CCDC178: variants seen among roughly 807,000 people sequenced by gnomAD.
CCDC178 encodes the protein coiled-coil domain containing 178.
Under a neutral mutation model 117.4 loss-of-function variants are expected in CCDC178, and 126 were observed. The ratio of observed to expected loss-of-function variants is 1.07; its 90% CI spans 0.93 to 1.24. CCDC178 has a LOEUF of 1.24. Ranked by LOEUF, CCDC178 falls within the 50% of genes most tolerant of loss-of-function variation. The pLI is 0.00. For synonymous variants in CCDC178, 283 were observed against 313.4 expected (o/e 0.90, Z 1.02); for missense variants, 1,030 against 986.9 (o/e 1.04, Z -0.59).
At chr18:33,329,274 CT>C (rs2062631485) in intron 10 of CCDC178, among the ~76,000 whole-genome samples, 1 of 152,026 alleles carries the variant, frequency 6.6e-6, no homozygotes, top group Non-Finnish European at 1.5e-5. Context: ...ATTTGTGTGC[CT>C]TTTATTTCTT....
intron 20 of CCDC178, among the ~76,000 whole-genome samples, chr18:33,187,214 C>A (rs1345607032): frequency 6.6e-5 from 10 of 152,012 alleles, no homozygotes; most frequent in Admixed American, 5.9e-4. Flanking sequence ...ACCCCATGAT[C>A]CATCATCTCC....
chr18:33,047,219 A>G lies in CCDC178; in HGVS notation c.2388+45542T>C, dbSNP rs1247285616. Among the ~76,000 whole-genome samples, 7 of 152,284 alleles carry G rather than the reference A, an allele frequency of 4.6e-5. No homozygotes were observed. In the South Asian group the frequency reaches 1.0e-3, roughly 23 times the overall value. ...AAATAATCAGAACAGAACCAAAAGA[A>G]AAAAAATACAAATGGCACAATAAAG... is the stretch of plus-strand genomic sequence containing the variant. On this transcript the variant is annotated intron_variant, in intron 21 of 22. Coordinates refer to ENST00000383096, the MANE Select transcript of CCDC178 (RefSeq NM_001105528.4).
At chr18:33,440,454 C>G (rs1412129270) in intron 1 of CCDC178, 199 bp downstream of exon 1, 1 of 152,090 alleles carries the variant, frequency 6.6e-6, no homozygotes, top group Non-Finnish European at 1.5e-5. Context: ...TTCAAACGCG[C>G]GGGGCAAGGA....
At position 33,221,341 on chromosome 18, in the gene CCDC178, TCTTGCCTTTGC is replaced by T. The variant is rs544513817; in HGVS notation, c.1932+1754_1932+1764del. On this transcript the variant is annotated intron_variant, in intron 18 of 22. Coordinates refer to ENST00000383096, the MANE Select transcript of CCDC178 (RefSeq NM_001105528.4). ...GTCCCACCTCTATTGAAGAAGTGAG[TCTTGCCTTTGC>T]CCAACTGCTATATTAAAATATTCTT... is the stretch of plus-strand genomic sequence containing the variant. Among the ~76,000 whole-genome samples, 616 of 152,142 alleles carry T rather than the reference TCTTGCCTTTGC, an allele frequency of 4.0e-3. 2 individuals are homozygous for T. Among genetic ancestry groups the T allele is most frequent in the African/African-American group, 0.014 (596 of 41,532 alleles).
At chr18:33,162,441 C>T (rs1397407659) in intron 20 of CCDC178, among the ~76,000 whole-genome samples, 1 of 151,996 alleles carries the variant, frequency 6.6e-6, no homozygotes, top group African/African-American at 2.4e-5. Flanking sequence ...CTTTTTTAAA[C>T]TATTATTTTA....
chr18:33,347,132 T>C (rs1435316333), intron 8 of CCDC178, among the ~76,000 whole-genome samples: 1 of 152,142 alleles, frequency 6.6e-6, no homozygotes, highest in Non-Finnish European at 1.5e-5. Flanking sequence ...AAGACAGATA[T>C]GAGTCCTATC....
chr18:32,968,553 A>G (rs569055203), intron 22 of CCDC178, among the ~76,000 whole-genome samples: 1 of 152,074 alleles, frequency 6.6e-6, no homozygotes, highest in Admixed American at 6.6e-5. Context: ...TGGTAGTTAT[A>G]GTTTTATTTT....
chr18:33,264,508 T>A (rs2059790820), intron 14 of CCDC178, among the ~76,000 whole-genome samples: 1 of 152,102 alleles, frequency 6.6e-6, no homozygotes, highest in South Asian at 2.1e-4. Flanking sequence ...ATCCATTTAA[T>A]TTTTAATTCC....
chr18:33,247,140 A>G (rs2059560747), intron 14 of CCDC178, among the ~76,000 whole-genome samples: 2 of 151,166 alleles, frequency 1.3e-5, no homozygotes, highest in Admixed American at 6.6e-5. Flanking sequence ...CAGAGAGAGA[A>G]AAGAGACCTG....
intron 15 of CCDC178, among the ~76,000 whole-genome samples, chr18:33,244,940 A>G (rs2059530274): frequency 1.3e-5 from 2 of 151,926 alleles, no homozygotes; most frequent in African/African-American, 4.8e-5. Context: ...GGCAGACATT[A>G]TTATGTGTTA....
chr18:33,303,444 C>T (rs2144917133), intron 11 of CCDC178, among the ~76,000 whole-genome samples: 1 of 152,134 alleles, frequency 6.6e-6, no homozygotes, highest in Non-Finnish European at 1.5e-5. Context: ...ATTTTCCAAA[C>T]CCATAGAATG....
At chr18:33,282,543 C>A (rs72953129) in intron 12 of CCDC178, among the ~76,000 whole-genome samples, 10,447 of 152,092 alleles carry the variant, frequency 0.069, 548 homozygotes, top group African/African-American at 0.14. Flanking sequence ...CGAGTGGGGC[C>A]CACACCATAG....
intron 21 of CCDC178, among the ~76,000 whole-genome samples, chr18:33,034,370 T>A (rs1158672860): frequency 6.6e-6 from 1 of 152,084 alleles, no homozygotes; most frequent in Non-Finnish European, 1.5e-5. Flanking sequence ...GTCACTTCTC[T>A]GCTTAAAAGC....
At chr18:33,072,909 C>G (rs1157618297) in intron 21 of CCDC178, among the ~76,000 whole-genome samples, 2 of 152,042 alleles carry the variant, frequency 1.3e-5, no homozygotes, top group Non-Finnish European at 2.9e-5. Flanking sequence ...GCCTGGCCAA[C>G]TATACATTTT....
intron 20 of CCDC178, among the ~76,000 whole-genome samples, chr18:33,156,641 C>CA (rs35712594): frequency 0.6 from 59,421 of 99,210 alleles, 18,837 homozygotes; most frequent in Non-Finnish European, 0.69. Flanking sequence ...TCCTCCCTCT[C>CA]AAAAAAAAAA....
intron 21 of CCDC178, among the ~76,000 whole-genome samples, chr18:33,082,728 A>T (rs1567976895): frequency 6.6e-6 from 1 of 151,680 alleles, no homozygotes. Flanking sequence ...GTATAATAAA[A>T]ATATATATAA....
chr18:32,945,350 G>A (rs1300698576), intron 22 of CCDC178, among the ~76,000 whole-genome samples: 1 of 152,100 alleles, frequency 6.6e-6, no homozygotes, highest in Non-Finnish European at 1.5e-5. Context: ...ACTTTAAGTT[G>A]TCAATTATTT....
At chr18:33,258,640 A>G (rs1453789092) in intron 14 of CCDC178, among the ~76,000 whole-genome samples, 4 of 152,220 alleles carry the variant, frequency 2.6e-5, no homozygotes, top group African/African-American at 9.7e-5. Flanking sequence ...CATTGTCGTG[A>G]GCACCTCAAA....
At chr18:33,166,439 C>A (rs1237803643) in intron 20 of CCDC178, among the ~76,000 whole-genome samples, 1 of 151,978 alleles carries the variant, frequency 6.6e-6, no homozygotes. Context: ...AAAAAATCTC[C>A]CTACGGCACT....
Sources: allele counts gnomAD v4.1 joint callset (sites outside exome capture counted in the v4.1 genomes callset), GRCh38; gene constraint gnomAD v4.1.1; transcripts MANE v1.5; gene names NCBI Gene and HGNC (gene_info 2026-07-23, HGNC 2026-07-21).